The following PDIA6 variants were observed in gnomAD, a reference collection of about 807,000 sequenced individuals.
The protein encoded by PDIA6 is protein disulfide-isomerase A6.
Under a neutral mutation model 58.4 loss-of-function variants are expected in PDIA6, and 29 were observed. The observed-to-expected ratio is 0.50, with a 90% confidence interval of 0.37 to 0.68. The LOEUF is 0.68. Ranked by LOEUF, PDIA6 falls within the 30% of genes least tolerant of loss-of-function variation. The pLI is 0.00. For missense variants in PDIA6, 480 were observed against 551.0 expected (o/e 0.87, Z 1.29); for synonymous variants, 192 against 202.6 (o/e 0.95, Z 0.44).
chr2:10,834,099 G>A (rs1180360832), upstream of PDIA6, among the ~76,000 whole-genome samples: 1 of 152,244 alleles, frequency 6.6e-6, no homozygotes, highest in Non-Finnish European at 1.5e-5. Context: ...AGTCCCAACA[G>A]CTTCTACAGT....
intron 1 of PDIA6, among the ~76,000 whole-genome samples, chr2:10,810,778 A>G (rs1161760700): frequency 1.3e-5 from 2 of 152,158 alleles, no homozygotes; most frequent in African/African-American, 2.4e-5. Context: ...TCCAACCCCC[A>G]AGAACACAAA....
upstream of PDIA6, among the ~76,000 whole-genome samples, chr2:10,814,701 C>T (rs772221823): frequency 1.6e-4 from 24 of 152,186 alleles, no homozygotes; most frequent in Non-Finnish European, 3.1e-4. Context: ...GAAGAGGGCC[C>T]CTTCATTTGT....
Position 10,789,803 on chromosome 2 carries a change from C to A in PDIA6, c.786G>T (p.Val262=). ...YDGGRTRSDI[V]SRALDLFSDN... ...CAGAAAACAAATCAAGGGCCCGGGA[C>A]ACGATGTCGGATCTTGTCCGCCCAC... is the stretch of plus-strand genomic sequence containing the variant. The change falls in exon 8 of 13, where the codon GTG becomes GTT. Residue 262 remains valine, a synonymous_variant. Transcript: ENST00000272227. 1 of 1,613,836 alleles carries A rather than the reference C, an allele frequency of 6.2e-7. No homozygotes were observed. The highest frequency in any genetic ancestry group is 8.5e-7 in the Non-Finnish European group (1 of 1,179,898).
chr2:10,818,530 A>G (rs1260948525), intron 2 of PDIA6, among the ~76,000 whole-genome samples: 5 of 103,644 alleles, frequency 4.8e-5, no homozygotes, highest in African/African-American at 1.6e-4. Flanking sequence ...TTATTTATTT[A>G]TTTATTTTGA....
In PDIA6 at chr2:10,790,777, T is replaced by C. The variant is rs4807; in HGVS notation, c.641A>G (p.Lys214Arg). Reference sequence around the variant, plus strand: ...AGCATCCACAGCTGCCAGTTTCACTTTTCCTTTCGTCTGCTCTTTTACTTC... The same window carrying C: ...AGCATCCACAGCTGCCAGTTTCACTCTTCCTTTCGTCTGCTCTTTTACTTC... Reference protein sequence around the residue: ...ASEVKEQTKGKVKLAAVDATV... With the variant: ...ASEVKEQTKGRVKLAAVDATV... Residue 214 changes from lysine (K) to arginine (R), a missense_variant, in exon 7 of 13, where the codon AAA becomes AGA. Transcript: ENST00000272227. The C allele has an allele frequency of 0.27, 443,208 of 1,613,324 alleles. 63,503 individuals are homozygous for C. The highest frequency in any genetic ancestry group is 0.39 in the Admixed American group (23,425 of 60,012).
intron 1 of PDIA6, among the ~76,000 whole-genome samples, chr2:10,807,819 A>G (rs1187005748): frequency 6.6e-6 from 1 of 152,204 alleles, no homozygotes; most frequent in Non-Finnish European, 1.5e-5. Flanking sequence ...TCACTATCAA[A>G]TGTTAGATCA....
In PDIA6 at chr2:10,812,748, G is replaced by A. The variant is rs1467734425; in HGVS notation, c.-52C>T. On this transcript the variant is annotated 5_prime_UTR_variant, in exon 1 of 13. Transcript: ENST00000272227. ...CCACCGCCGCCGCCGCTTCAGCCCT[G>A]CAGCGTGCCGCACGCCGCGCCCCCG... is the stretch of plus-strand genomic sequence containing the variant. 5 of 1,407,950 alleles carry A rather than the reference G, an allele frequency of 3.6e-6. No homozygotes were observed. The highest frequency in any genetic ancestry group is 1.5e-5 in the African/African-American group (1 of 66,916). 87.2% of individuals were successfully genotyped at this position (1,407,950 alleles called of 1,614,324 possible). A position where few individuals can be genotyped will look rare whatever the true frequency, so the allele number is the denominator to read the frequency against.
intron 1 of PDIA6, among the ~76,000 whole-genome samples, chr2:10,826,322 A>T (rs1020242804): frequency 2.0e-5 from 3 of 152,088 alleles, no homozygotes; most frequent in Non-Finnish European, 4.4e-5. Flanking sequence ...TTGGGAGAGG[A>T]CAGTTGCACA....
At chr2:10,837,023 T>C (rs763494815), upstream of PDIA6, among the ~76,000 whole-genome samples, 9 of 152,176 alleles carry the variant, frequency 5.9e-5, no homozygotes, top group Non-Finnish European at 7.3e-5. Flanking sequence ...CTTGTCCCAC[T>C]TACAGCAAGG....
Position 10,821,812 on chromosome 2 carries a change from C to T in PDIA6, c.-47-2458G>A, listed in dbSNP as rs187895973. On this transcript the variant is annotated intron_variant, in intron 1 of 13. Transcript: ENST00000381611. ...GCTAATGTTTTATTTTTTGTAGAGA[C>T]AGGACCTCACTATGTTACCCAGGCT... 1.8e-3 allele frequency among the ~76,000 whole-genome samples: 280 copies of T among 152,114 alleles called. 5 individuals carry two copies. Among genetic ancestry groups the T allele is most frequent in the Admixed American group, 5.0e-3 (76 of 15,270 alleles).
At chr2:10,833,654 A>T (rs1266845875), upstream of PDIA6, among the ~76,000 whole-genome samples, 1 of 152,172 alleles carries the variant, frequency 6.6e-6, no homozygotes, top group East Asian at 1.9e-4. Context: ...ATGAATAGAG[A>T]CACATCCCTC....
chr2:10,819,427 C>T, intron 1 of PDIA6: 1 of 886,646 alleles, frequency 1.1e-6, no homozygotes, highest in Non-Finnish European at 1.8e-6. Context: ...CACCATATGC[C>T]AGGCTCCACG....
chr2:10,810,606 C>A (rs1457562077), intron 1 of PDIA6, among the ~76,000 whole-genome samples: 1 of 152,060 alleles, frequency 6.6e-6, no homozygotes, highest in African/African-American at 2.4e-5. Flanking sequence ...TGCTTGTACA[C>A]GGCTACCCAA....
chr2:10,784,392 A>C, intron 12 of PDIA6, 66 bp from the exon 13 acceptor site: 753 of 1,276,672 alleles, frequency 5.9e-4, no homozygotes, highest in Non-Finnish European at 7.9e-4. Context: ...TCAACATCTC[A>C]TTTTATGGAA....
At chr2:10,819,923 T>A (rs1038240920) in intron 1 of PDIA6, among the ~76,000 whole-genome samples, 2 of 152,218 alleles carry the variant, frequency 1.3e-5, no homozygotes, top group Non-Finnish European at 2.9e-5. Context: ...CCTCTGCTGG[T>A]CTGCAGGTTT....
upstream of PDIA6, among the ~76,000 whole-genome samples, chr2:10,817,030 T>G (rs897599009): frequency 6.6e-6 from 1 of 152,182 alleles, no homozygotes; most frequent in Non-Finnish European, 1.5e-5. Flanking sequence ...TCCTGTGAGA[T>G]TTCTTTGACT....
chr2:10,795,005 C>T (rs1005804123), intron 4 of PDIA6, among the ~76,000 whole-genome samples: 1 of 152,164 alleles, frequency 6.6e-6, no homozygotes, highest in Non-Finnish European at 1.5e-5. Flanking sequence ...TGCACTGTAT[C>T]GCTGGCTGAG....
chr2:10,798,394 C>A (rs1009798569), intron 2 of PDIA6, among the ~76,000 whole-genome samples: 4 of 151,882 alleles, frequency 2.6e-5, no homozygotes, highest in African/African-American at 9.7e-5. Context: ...ATGGTGACAC[C>A]CTGTCTCTAC....
intron 1 of PDIA6, 30 bp downstream of exon 1, chr2:10,812,648 G>C: frequency 6.6e-7 from 1 of 1,516,622 alleles, no homozygotes; most frequent in Non-Finnish European, 8.8e-7. Flanking sequence ...ACCCCAGCTC[G>C]CCCGCCTCCC....
Sources: allele counts gnomAD v4.1 joint callset (sites outside exome capture counted in the v4.1 genomes callset), GRCh38; gene constraint gnomAD v4.1.1; transcripts MANE v1.5; gene names NCBI Gene and HGNC (gene_info 2026-07-23, HGNC 2026-07-21).